Variants in KIF1A observed in about 807,000 individuals in gnomAD.
KIF1A encodes kinesin-like protein KIF1A.
A neutral mutation model predicts 227.3 loss-of-function variants in KIF1A; 46 were observed. The observed-to-expected ratio is 0.20, with a 90% confidence interval of 0.16 to 0.26. The LOEUF is 0.26. Among genes scored for constraint, KIF1A ranks in the 10% least tolerant of loss-of-function variants. The pLI, the probability that KIF1A is intolerant of heterozygous loss-of-function variation, is 1.00. For synonymous variants in KIF1A, 1,022 were observed against 1,012.8 expected (o/e 1.01, Z -0.17); for missense variants, 1,683 against 2,485.9 (o/e 0.68, Z 6.87).
intron 20 of KIF1A, among the ~76,000 whole-genome samples, chr2:240,764,065 T>C (rs1164696842): frequency 6.6e-6 from 1 of 152,196 alleles, no homozygotes; most frequent in African/African-American, 2.4e-5. Flanking sequence ...GGGCTCTCTT[T>C]GGATGGCCTA....
At chr2:240,807,929 A>G (rs1395422915) in intron 1 of KIF1A, among the ~76,000 whole-genome samples, 1 of 152,208 alleles carries the variant, frequency 6.6e-6, no homozygotes, top group Non-Finnish European at 1.5e-5. Context: ...ATACTAAAAA[A>G]GCATTCCATA....
chr2:240,788,904 C>G lies in KIF1A; in HGVS notation c.183+332G>C, dbSNP rs2055285332. Reference sequence around the variant, plus strand: ...AAGAGTCCAGGGGTCTCCTGGGCTCCCAGCATGCAGGGCACAGCTTCCAGA... The same window carrying G: ...AAGAGTCCAGGGGTCTCCTGGGCTCGCAGCATGCAGGGCACAGCTTCCAGA... On this transcript the variant is annotated intron_variant, in intron 3 of 48. Coordinates refer to ENST00000498729, the MANE Select transcript of KIF1A (RefSeq NM_001244008.2). The surrounding 1 kb of genome is among the most constrained non-coding windows in gnomAD (Gnocchi z 6.6). 1.3e-5 allele frequency among the ~76,000 whole-genome samples: 2 copies of G among 152,026 alleles called. No individual in the cohort carries two copies. Among genetic ancestry groups the G allele is most frequent in the South Asian group, 4.2e-4 (2 of 4,812 alleles).
intron 10 of KIF1A, among the ~76,000 whole-genome samples, chr2:240,780,361 C>A (rs1208839486): frequency 4.6e-5 from 7 of 152,036 alleles, no homozygotes; most frequent in Non-Finnish European, 7.4e-5. Flanking sequence ...CTCCACAGAG[C>A]CCCCATGTGG....
In KIF1A at chr2:240,758,346, G is replaced by A. The variant is rs753363872; in HGVS notation, c.2582+14C>T. The A allele has an allele frequency of 1.9e-6, 3 of 1,606,632 alleles. No individual in the cohort carries two copies. Among genetic ancestry groups the A allele is most frequent in the East Asian group, 2.2e-5 (1 of 44,762 alleles). On this transcript the variant is annotated intron_variant, in intron 26 of 48. Transcript: ENST00000498729. The surrounding 1 kb of genome is among the most constrained non-coding windows in gnomAD (Gnocchi z 5.2). ...CAATCTCTCTCTCTGCCAAGGAAGGGAGGAGGCGCCCACCTGCCCACCAGC... is the reference window on the plus strand; with the variant it reads ...CAATCTCTCTCTCTGCCAAGGAAGGAAGGAGGCGCCCACCTGCCCACCAGC...
chr2:240,767,096 G>T, intron 18 of KIF1A, 75 bp from the exon 19 acceptor site: 3 of 1,270,276 alleles, frequency 2.4e-6, no homozygotes, highest in Admixed American at 2.0e-5. Context: ...GGCCTCCAGG[G>T]ACGCCCAACC....
At chr2:240,723,334 G>C (rs556099541) in intron 42 of KIF1A, 79 bp downstream of exon 42, 121 of 1,385,490 alleles carry the variant, frequency 8.7e-5, no homozygotes, top group Non-Finnish European at 1.1e-4. Flanking sequence ...CCAGGCCCTG[G>C]GCCCTCTCCA....
At chr2:240,744,244 GCCCCA>G (rs2048334850) in intron 32 of KIF1A, among the ~76,000 whole-genome samples, 184 bp from the exon 33 acceptor site, 1 of 152,164 alleles carries the variant, frequency 6.6e-6, no homozygotes, top group South Asian at 2.1e-4. Flanking sequence ...CCCACCACGT[GCCCCA>G]GACAGACTCT....
chr2:240,821,348 C>A (rs1413843086), upstream of KIF1A, among the ~76,000 whole-genome samples: 1 of 152,216 alleles, frequency 6.6e-6, no homozygotes, highest in Non-Finnish European at 1.5e-5. Flanking sequence ...ACCTCAGTCC[C>A]GACAGCTGCG....
In KIF1A at chr2:240,752,467, G is replaced by A. The variant is rs1442762673; in HGVS notation, c.2859-1920C>T. 6.6e-6 allele frequency among the ~76,000 whole-genome samples: 1 copy of A among 152,004 alleles called. No individual in the cohort carries two copies. The highest frequency in any genetic ancestry group is 1.9e-4 in the East Asian group (1 of 5,174). ...ATGCCTTCCCTCCCCAGGGCACCCC[G>A]GGCTCCTGGACAAGGGTCTCTGCTT... On this transcript the variant is annotated intron_variant, in intron 27 of 48. Transcript: ENST00000498729. This position sits in a 1 kb window ranked among gnomAD's most constrained non-coding sequence, Gnocchi z 6.4.
Position 240,820,038 on chromosome 2 carries a change from G to GTGCGGGC in KIF1A, c.-61+77_-61+83dup, listed in dbSNP as rs2058619933. 6.5e-6 allele frequency: 1 copy of GTGCGGGC among 152,684 alleles called. No individual in the cohort carries two copies. 9.5% of individuals were successfully genotyped at this position (152,684 alleles called of 1,614,324 possible). ...CCCGCCCTGGGCGCAGTGGGTGCAG[G>GTGCGGGC]TGCGGGCTGCGGGCGCGGGCTGCCG... is the stretch of plus-strand genomic sequence containing the variant. On this transcript the variant is annotated intron_variant, in intron 1 of 48. Coordinates refer to ENST00000498729, the MANE Select transcript of KIF1A (RefSeq NM_001244008.2). This position sits in a 1 kb window ranked among gnomAD's most constrained non-coding sequence, Gnocchi z 6.2.
intron 43 of KIF1A, 122 bp from the exon 44 acceptor site, chr2:240,722,006 T>TG (rs889550380): frequency 1.6e-4 from 117 of 729,742 alleles, no homozygotes; most frequent in Non-Finnish European, 2.4e-4. Context: ...CAGAGCACAG[T>TG]GGGTCAAGGT....
intron 8 of KIF1A, 40 bp downstream of exon 8, chr2:240,783,699 A>G (rs747740691): frequency 4.6e-6 from 7 of 1,510,216 alleles, no homozygotes; most frequent in Non-Finnish European, 6.3e-6. Context: ...GAGCAGGCCA[A>G]ATGTGGACAC....
At position 240,719,860 on chromosome 2, in the gene KIF1A, C is replaced by T; in HGVS notation, c.4935G>A (p.Lys1645=). 3 of 1,612,176 alleles carry T rather than the reference C, an allele frequency of 1.9e-6. No individual in the cohort carries two copies. The highest frequency in any genetic ancestry group is 2.5e-6 in the Non-Finnish European group (3 of 1,179,476). ...EPELLPEADS[K]KLPSPARATE... ...TTGCCCGGGCAGGGGAAGGGAGCTT[C>T]TTGGAGTCGGCCTCTGGCAGCAGCT... The change falls in exon 46 of 49, where the codon AAG becomes AAA. Residue 1645 remains lysine (K), a synonymous_variant. Coordinates refer to ENST00000498729, the MANE Select transcript of KIF1A (RefSeq NM_001244008.2).
chr2:240,779,876 C>G lies in KIF1A; in HGVS notation c.882+2714G>C, dbSNP rs554283256. Among the ~76,000 whole-genome samples the G allele has an allele frequency of 2.6e-5, 4 of 152,364 alleles. No homozygotes were observed. The East Asian group carries it at 7.7e-4, about 29-fold the overall frequency. On this transcript the variant is annotated intron_variant, in intron 10 of 48. Coordinates refer to ENST00000498729, the MANE Select transcript of KIF1A (RefSeq NM_001244008.2). ...TTGTTGTTTCCCACATGGCTCCACA[C>G]GCAGGCTGTCCCATGTTTCCCCCCA... is the stretch of plus-strand genomic sequence containing the variant.
At chr2:240,776,746 G>C (rs4676370) in intron 10 of KIF1A, among the ~76,000 whole-genome samples, 37,511 of 152,130 alleles carry the variant, frequency 0.25, 4,763 homozygotes, top group East Asian at 0.43. Flanking sequence ...TCTGACCCTG[G>C]AGCCTGCACC....
At chr2:240,787,927 C>A in intron 4 of KIF1A, 124 bp downstream of exon 4, 1 of 910,466 alleles carries the variant, frequency 1.1e-6, no homozygotes, top group Non-Finnish European at 1.7e-6. Context: ...ACCCAGCTGG[C>A]CTTCCCCTCC....
chr2:240,741,344 G>C lies in KIF1A; in HGVS notation c.3674C>G (p.Pro1225Arg), dbSNP rs377389267. ...PATKLSTLTR[P>R]CPGPCHCKYD... ...CTTGCAGTGGCAGGGTCCCGGACAG[G>C]GCCGCGTCAGTGTGCTGAGCTTGGT... Residue 1225 changes from proline (P) to arginine (R), a missense_variant, in exon 35 of 49, where the codon CCC becomes CGC. By Grantham distance (103) the Pro-to-Arg change is moderately radical (BLOSUM62 -2). This residue lies in a region of KIF1A where 759 missense variants were observed against 1,020.2 expected (regional missense o/e 0.74). Transcript: ENST00000498729. The C allele has an allele frequency of 7.5e-5, 119 of 1,589,600 alleles. No homozygotes were observed. The highest frequency in any genetic ancestry group is 9.8e-5 in the Non-Finnish European group (115 of 1,172,014).
rs904932398 is a variant in KIF1A at position 240,793,921 on chromosome 2, G to A, written c.106+3726C>T. On this transcript the variant is annotated intron_variant, in intron 2 of 48. Transcript: ENST00000498729. This position sits in a 1 kb window ranked among gnomAD's most constrained non-coding sequence, Gnocchi z 4.8. The stretch of plus-strand genomic sequence containing the variant: ...CTCTGAGGGGCCCCGCACAGTCCCC[G>A]CCATCTTCCGAGGGGCCTGGCACAC... Among the ~76,000 whole-genome samples the A allele has an allele frequency of 1.3e-5, 2 of 152,052 alleles. No individual in the cohort carries two copies. Among genetic ancestry groups the A allele is most frequent in the Admixed American group, 1.3e-4 (2 of 15,272 alleles).
rs1052523508 is a variant in KIF1A at position 240,778,796 on chromosome 2, G to A, written c.883-2870C>T. ...ACCGTTCCACACACGGTTCCTCACC[G>A]CTCCCCACGTTTCCCAAACAGCTCC... On this transcript the variant is annotated intron_variant, in intron 10 of 48. Transcript: ENST00000498729. The surrounding 1 kb of genome is among the most constrained non-coding windows in gnomAD (Gnocchi z 7.2). Among the ~76,000 whole-genome samples, 1 of 151,620 alleles carries A rather than the reference G, an allele frequency of 6.6e-6. No individual in the cohort carries two copies. Among genetic ancestry groups the A allele is most frequent in the African/African-American group, 2.4e-5 (1 of 41,208 alleles).
Sources: allele counts gnomAD v4.1 joint callset (sites outside exome capture counted in the v4.1 genomes callset), GRCh38; gene constraint gnomAD v4.1.1; regional missense constraint gnomAD v4.1.1; non-coding constraint Gnocchi (gnomAD v3.1); transcripts MANE v1.5; gene names NCBI Gene and HGNC (gene_info 2026-07-23, HGNC 2026-07-21).